The following NFATC2 variants were observed in gnomAD, a reference collection of about 807,000 sequenced individuals.
NFATC2 encodes the protein nuclear factor of activated T-cells, cytoplasmic 2.
In NFATC2, 22 loss-of-function variants were observed where a neutral mutation model predicts 87.3. That is an observed-to-expected ratio of 0.25 (90% CI 0.18 to 0.36). The LOEUF is 0.36. NFATC2 is among the 10% of genes least tolerant of loss of function. The pLI, the probability that NFATC2 is intolerant of heterozygous loss-of-function variation, is 1.00. For synonymous variants in NFATC2, 565 were observed against 542.2 expected (o/e 1.04, Z -0.58); for missense variants, 1,149 against 1,259.1 (o/e 0.91, Z 1.32).
At chr20:51,528,374 G>C (rs2076579700) in intron 1 of NFATC2, among the ~76,000 whole-genome samples, 1 of 151,838 alleles carries the variant, frequency 6.6e-6, no homozygotes, top group Non-Finnish European at 1.5e-5. Flanking sequence ...CATAAAAAGT[G>C]AGAGGATGTA....
At chr20:51,522,569 ATTTC>A (rs2076464806) in intron 2 of NFATC2, among the ~76,000 whole-genome samples, 1 of 114,880 alleles carries the variant, frequency 8.7e-6, no homozygotes, top group South Asian at 3.0e-4. Flanking sequence ...TGGCTCACAT[ATTTC>A]TTTTTTTTTT....
upstream of NFATC2, among the ~76,000 whole-genome samples, chr20:51,543,095 G>A (rs1426083023): frequency 6.6e-6 from 1 of 152,150 alleles, no homozygotes; most frequent in Non-Finnish European, 1.5e-5. Context: ...CCCTTCTATT[G>A]CAGACCCGTG....
chr20:51,553,945 G>T (rs755758624), intron 1 of NFATC2, among the ~76,000 whole-genome samples: 1 of 152,032 alleles, frequency 6.6e-6, no homozygotes, highest in Non-Finnish European at 1.5e-5. Flanking sequence ...AGTCACCCAA[G>T]CTGTCTTCCC....
chr20:51,492,645 C>T (rs1467926188), intron 3 of NFATC2, among the ~76,000 whole-genome samples: 2 of 152,224 alleles, frequency 1.3e-5, no homozygotes, highest in Non-Finnish European at 2.9e-5. Context: ...CGCCCGGGCC[C>T]GCTCCCACTC....
rs143346809 is a variant in NFATC2, at chr20:51,407,074, G to A, written c.2723-8344C>T. 4.0e-3 allele frequency among the ~76,000 whole-genome samples: 614 copies of A among 152,288 alleles called. 4 individuals are homozygous for A. Among genetic ancestry groups the A allele is most frequent in the African/African-American group, 0.013 (558 of 41,546 alleles). ...ACGTCAAGCCTGCTCACGCCCCAGG[G>A]CCTTTGCACCTGCTGTTCGCTCTAC... On this transcript the variant is annotated intron_variant, in intron 9 of 10. Transcript: ENST00000371564.
intron 3 of NFATC2, among the ~76,000 whole-genome samples, chr20:51,514,867 T>C (rs776761407): frequency 1.3e-5 from 2 of 152,146 alleles, no homozygotes; most frequent in African/African-American, 4.8e-5. Flanking sequence ...AGTGATAGAC[T>C]CTGTCAAAAA....
In NFATC2 at chr20:51,523,175, C is replaced by G. The variant is rs1398856168; in HGVS notation, c.1066G>C (p.Glu356Gln). The change falls in exon 2 of 11, where the codon GAG becomes CAG. Residue 356 changes from glutamate (E) to glutamine (Q), a missense_variant. Glu to Gln is a conservative substitution (Grantham distance 29). Coordinates refer to ENST00000371564, the MANE Select transcript of NFATC2 (RefSeq NM_012340.5). This position sits in a 1 kb window ranked among gnomAD's most constrained non-coding sequence, Gnocchi z 6.9. The part of the protein sequence containing the change: ...YPAVEFLGPC[E>Q]QGERRNSAPE... ...GCCGAGTTTCTCCTCTCGCCCTGCTCGCAGGGCCCCAGGAACTCCACGGCC... is the reference window on the plus strand; with the variant it reads ...GCCGAGTTTCTCCTCTCGCCCTGCTGGCAGGGCCCCAGGAACTCCACGGCC... 1 of 1,614,092 alleles carries G rather than the reference C, an allele frequency of 6.2e-7. No homozygotes were observed. The highest frequency in any genetic ancestry group is 2.2e-5 in the East Asian group (1 of 44,898).
intron 9 of NFATC2, among the ~76,000 whole-genome samples, chr20:51,419,731 C>G (rs1005031629): frequency 9.2e-5 from 14 of 152,180 alleles, no homozygotes; most frequent in Non-Finnish European, 1.9e-4. Flanking sequence ...CTCAAAGACT[C>G]CATAACACCG....
chr20:51,533,797 C>T (rs552456538), intron 1 of NFATC2, among the ~76,000 whole-genome samples: 3 of 152,328 alleles, frequency 2.0e-5, no homozygotes, highest in South Asian at 2.1e-4. Context: ...CAAAAACACA[C>T]GAACCCACGC....
At chr20:51,537,807 C>T (rs1469043523) in intron 1 of NFATC2, among the ~76,000 whole-genome samples, 1 of 152,232 alleles carries the variant, frequency 6.6e-6, no homozygotes, top group Non-Finnish European at 1.5e-5. Flanking sequence ...GTCTTTCTGT[C>T]ACTGTGTACT....
At chr20:51,542,755 G>GT (rs1017683207), upstream of NFATC2, 3,041 of 395,254 alleles carry the variant, frequency 7.7e-3, 918 homozygotes, top group South Asian at 0.013. Flanking sequence ...GAGGCGGGGG[G>GT]GGGGGGGGCG....
rs2076838141 is a variant in NFATC2 at position 51,542,564 on chromosome 20, C to T, written c.-65G>A. ...GCGGGCGCGGCTGGCTCTGGGACCC[C>T]TCGCAGTGGGGCTGGCGGAGGCGGC... On this transcript the variant is annotated 5_prime_UTR_variant, in exon 1 of 11. Transcript: ENST00000371564. 2.3e-6 allele frequency: 3 copies of T among 1,295,704 alleles called. No individual in the cohort carries two copies. The highest frequency in any genetic ancestry group is 2.9e-6 in the Non-Finnish European group (3 of 1,020,590). 80.3% of individuals were successfully genotyped at this position (1,295,704 alleles called of 1,614,324 possible).
chr20:51,392,479 A>C (rs980426504), intron 10 of NFATC2, among the ~76,000 whole-genome samples: 1 of 152,158 alleles, frequency 6.6e-6, no homozygotes, highest in South Asian at 2.1e-4. Flanking sequence ...GGATCCTGCA[A>C]AAAGGTTCCC....
chr20:51,441,464 C>G (rs1984324826), intron 6 of NFATC2, among the ~76,000 whole-genome samples: 1 of 151,756 alleles, frequency 6.6e-6, no homozygotes. Flanking sequence ...GACTGTAATC[C>G]CAGCACTTTG....
chr20:51,520,349 T>C (rs1477049572), intron 2 of NFATC2, among the ~76,000 whole-genome samples: 2 of 152,272 alleles, frequency 1.3e-5, no homozygotes, highest in Non-Finnish European at 2.9e-5. Flanking sequence ...AGTCATTAAC[T>C]AGCTGGTGAT....
chr20:51,401,145 G>A (rs1361302996), intron 9 of NFATC2, among the ~76,000 whole-genome samples: 1 of 152,112 alleles, frequency 6.6e-6, no homozygotes, highest in African/African-American at 2.4e-5. Context: ...CGAAGTGGGT[G>A]GATCACTTGA....
intron 3 of NFATC2, among the ~76,000 whole-genome samples, chr20:51,496,435 C>T (rs536795598): frequency 2.3e-4 from 35 of 151,948 alleles, no homozygotes; most frequent in African/African-American, 3.4e-4. Flanking sequence ...AACCACCCCC[C>T]GCCCCCCACT....
chr20:51,467,481 T>A (rs924440341), intron 5 of NFATC2, among the ~76,000 whole-genome samples: 2 of 151,976 alleles, frequency 1.3e-5, no homozygotes, highest in Admixed American at 1.3e-4. Flanking sequence ...CACTTGAAGC[T>A]GGGAGGCAGA....
At chr20:51,554,809 T>A (rs924368729) in intron 1 of NFATC2, among the ~76,000 whole-genome samples, 1 of 152,154 alleles carries the variant, frequency 6.6e-6, no homozygotes, top group Non-Finnish European at 1.5e-5. Context: ...CCAAGGGACA[T>A]TTCTGGATCA....
Sources: allele counts gnomAD v4.1 joint callset (sites outside exome capture counted in the v4.1 genomes callset), GRCh38; gene constraint gnomAD v4.1.1; non-coding constraint Gnocchi (gnomAD v3.1); transcripts MANE v1.5; gene names NCBI Gene and HGNC (gene_info 2026-07-23, HGNC 2026-07-21).